The following PRMT9 variants were observed in gnomAD, a reference collection of about 807,000 sequenced individuals.
PRMT9 encodes the protein protein arginine methyltransferase 9, also known as protein arginine N-methyltransferase 9.
In PRMT9, 59 loss-of-function variants were observed where a neutral mutation model predicts 83.2. The observed-to-expected ratio is 0.71, with a 90% CI of 0.57 to 0.88. PRMT9 has a LOEUF of 0.88. PRMT9 is among the 40% of genes least tolerant of loss of function. PRMT9 has a pLI of 0.00. For missense variants in PRMT9, 947 were observed against 1,021.9 expected (o/e 0.93, Z 1.00); for synonymous variants, 333 against 353.2 (o/e 0.94, Z 0.64).
intron 10 of PRMT9, 104 bp downstream of exon 10, chr4:147,642,682 TA>T: frequency 1.0e-6 from 1 of 1,001,642 alleles, no homozygotes; most frequent in Non-Finnish European, 1.6e-6. Context: ...TTAATCCAGC[TA>T]AACTTTAGTC....
chr4:147,649,478 G>T (rs1226196584), intron 9 of PRMT9, among the ~76,000 whole-genome samples: 2 of 151,948 alleles, frequency 1.3e-5, no homozygotes, highest in African/African-American at 4.8e-5. Flanking sequence ...TTTTAAACTA[G>T]CATGAGTGAA....
intron 6 of PRMT9, among the ~76,000 whole-genome samples, chr4:147,666,330 CTG>C (rs1560991081): frequency 6.6e-6 from 1 of 152,078 alleles, no homozygotes; most frequent in East Asian, 1.9e-4. Context: ...GGGCCCTACT[CTG>C]TGTTTTGCTT....
At chr4:147,648,787 G>A (rs1324888925) in intron 9 of PRMT9, among the ~76,000 whole-genome samples, 2 of 151,264 alleles carry the variant, frequency 1.3e-5, no homozygotes, top group African/African-American at 4.9e-5. Context: ...TTTTTTCTCT[G>A]TTATTATCCT....
At chr4:147,674,738 T>C (rs1735953222) in intron 2 of PRMT9, among the ~76,000 whole-genome samples, 1 of 152,242 alleles carries the variant, frequency 6.6e-6, no homozygotes, top group South Asian at 2.1e-4. Flanking sequence ...CAAACTGATC[T>C]ATATACTCTC....
At position 147,660,975 on chromosome 4, in the gene PRMT9, A is replaced by C. The variant is rs771743463; in HGVS notation, c.1017T>G (p.Ala339=). 16 of 1,613,068 alleles carry C rather than the reference A, an allele frequency of 9.9e-6. No homozygotes were observed. Among genetic ancestry groups the C allele is most frequent in the Non-Finnish European group, 1.3e-5 (15 of 1,179,196 alleles). Reference sequence around the variant, plus strand: ...TTTCTTCAGTATCTACAGAAGAATAAGCCGGACTCTGAAATTTCACATTTG... The same window carrying C: ...TTTCTTCAGTATCTACAGAAGAATACGCCGGACTCTGAAATTTCACATTTG... ...LPTNVKFQSP[A]YSSVDTEETI... The change falls in exon 7 of 12, where the codon GCT becomes GCG. Residue 339 remains alanine (A), a synonymous_variant. Transcript: ENST00000322396.
chr4:147,683,745 T>G (rs2126646257), intron 1 of PRMT9, 54 bp downstream of exon 1: 2 of 1,472,242 alleles, frequency 1.4e-6, no homozygotes, highest in Middle Eastern at 2.5e-4. Context: ...GTTTTTTTTT[T>G]TTTTTTTACG....
chr4:147,675,878 A>G (rs1177115678), intron 2 of PRMT9, among the ~76,000 whole-genome samples: 1 of 152,220 alleles, frequency 6.6e-6, no homozygotes, highest in African/African-American at 2.4e-5. Flanking sequence ...GAGACACTCC[A>G]GACACATTTT....
chr4:147,643,244 G>T (rs1228808135), intron 9 of PRMT9, among the ~76,000 whole-genome samples: 7 of 152,012 alleles, frequency 4.6e-5, no homozygotes, highest in Non-Finnish European at 2.9e-5. Context: ...TATAGCCTGG[G>T]TGACAGAGTG....
chr4:147,668,868 C>T (rs1489903521), intron 5 of PRMT9, among the ~76,000 whole-genome samples: 1 of 151,990 alleles, frequency 6.6e-6, no homozygotes, highest in Non-Finnish European at 1.5e-5. Context: ...AGGCGGATCA[C>T]GAGGTCAGGA....
intron 5 of PRMT9, among the ~76,000 whole-genome samples, chr4:147,669,426 A>T (rs759787536): frequency 2.0e-5 from 3 of 152,040 alleles, no homozygotes; most frequent in South Asian, 2.1e-4. Context: ...GAATATATAT[A>T]TTTTTTTCTC....
Position 147,653,975 on chromosome 4 carries a change from T to C in PRMT9, c.1922A>G (p.Glu641Gly). ...CCTTTGTAACATAGCAGATTCATCC[T>C]CCACATGTCTCAGCCAAAACTCAAG... is the stretch of plus-strand genomic sequence containing the variant. ...ETLEFWLRHV[E>G]DESAMLQRPK... is the part of the protein sequence containing the mutation. The change falls in exon 9 of 12, where the codon GAG (glutamate) becomes GGG (glycine). Residue 641 changes from glutamate to glycine, a missense_variant. Transcript: ENST00000322396. 6.2e-7 allele frequency: 1 copy of C among 1,614,202 alleles called. No homozygotes were observed. Among genetic ancestry groups the C allele is most frequent in the South Asian group, 1.1e-5 (1 of 91,082 alleles).
At chr4:147,682,173 T>TTTTTTA (rs916669145) in intron 1 of PRMT9, among the ~76,000 whole-genome samples, 1 of 151,948 alleles carries the variant, frequency 6.6e-6, no homozygotes, top group African/African-American at 2.4e-5. Context: ...GCCCAGCTAA[T>TTTTTTA]TTTTTATTTT....
chr4:147,673,229 C>T, intron 3 of PRMT9, 103 bp from the exon 4 acceptor site: 1 of 985,144 alleles, frequency 1.0e-6, no homozygotes, highest in Non-Finnish European at 1.6e-6. Flanking sequence ...TCCTTTTATT[C>T]TTTAACACAA....
intron 2 of PRMT9, among the ~76,000 whole-genome samples, chr4:147,679,972 T>A (rs144464963): frequency 1.3e-5 from 2 of 152,272 alleles, no homozygotes; most frequent in East Asian, 3.9e-4. Context: ...GGCAAAACTA[T>A]ACCCAGGTCC....
intron 1 of PRMT9, among the ~76,000 whole-genome samples, chr4:147,683,409 AC>A (rs1187188138): frequency 9.2e-5 from 14 of 152,236 alleles, no homozygotes; most frequent in Admixed American, 2.0e-4. Context: ...GCCGACTGCA[AC>A]AGCCGGCAGA....
At chr4:147,662,124 A>G (rs1191997686) in intron 6 of PRMT9, among the ~76,000 whole-genome samples, 1 of 152,232 alleles carries the variant, frequency 6.6e-6, no homozygotes, top group Non-Finnish European at 1.5e-5. Flanking sequence ...AACTGATATA[A>G]CCTAAACATC....
chr4:147,683,673 C>G, intron 1 of PRMT9, 126 bp downstream of exon 1: 1 of 900,720 alleles, frequency 1.1e-6, no homozygotes, highest in Non-Finnish European at 1.8e-6. Flanking sequence ...AAAAAAGGGC[C>G]CTAAATATTA....
At position 147,684,111 on chromosome 4, in the gene PRMT9, C is replaced by G; in HGVS notation, c.-124G>C. 3 of 1,152,410 alleles carry G rather than the reference C, an allele frequency of 2.6e-6. No individual in the cohort carries two copies. The highest frequency in any genetic ancestry group is 3.8e-6 in the Non-Finnish European group (3 of 799,996). The allele number at this position is 1,152,410 out of a possible 1,614,324, so 71.4% of individuals were successfully genotyped here. A position where few individuals can be genotyped will look rare whatever the true frequency, so the allele number is the denominator to read the frequency against. ...AAAACAGCACAGCAAAGTTACCCTCCGCCGCGGGTGAACTCGCCAACCCCA... is the reference window on the plus strand; with the variant it reads ...AAAACAGCACAGCAAAGTTACCCTCGGCCGCGGGTGAACTCGCCAACCCCA... On this transcript the variant is annotated 5_prime_UTR_variant, in exon 1 of 12. Coordinates refer to ENST00000322396, the MANE Select transcript of PRMT9 (RefSeq NM_138364.4).
chr4:147,647,683 C>T (rs1485552433), intron 9 of PRMT9, among the ~76,000 whole-genome samples: 8 of 152,082 alleles, frequency 5.3e-5, no homozygotes, highest in Admixed American at 5.2e-4. Flanking sequence ...TCACCATTCC[C>T]AGCTAATTTT....
Sources: gnomAD v4.1 joint callset for allele counts (sites outside exome capture counted in the v4.1 genomes callset) on GRCh38, gnomAD v4.1.1 for gene constraint, MANE v1.5 for transcripts, NCBI Gene and HGNC (gene_info 2026-07-23, HGNC 2026-07-21) for gene names.